MAN1C1: variants seen among roughly 807,000 people sequenced by gnomAD.
The protein encoded by MAN1C1 is mannosidase alpha class 1C member 1, also known as mannosyl-oligosaccharide 1,2-alpha-mannosidase IC.
MAN1C1 carries 49 observed loss-of-function variants against 71.5 expected under a neutral mutation model. The observed-to-expected ratio is 0.69, with a 90% CI of 0.54 to 0.87. The LOEUF (loss-of-function observed/expected upper bound fraction) is 0.87. Ranked by LOEUF, MAN1C1 falls within the 40% of genes least tolerant of loss-of-function variation. The pLI is 0.00. For missense variants in MAN1C1, 743 were observed against 835.0 expected (o/e 0.89, Z 1.36); for synonymous variants, 352 against 343.7 (o/e 1.02, Z -0.27).
chr1:25,693,553 C>T (rs933748871), intron 2 of MAN1C1, among the ~76,000 whole-genome samples: 2 of 152,168 alleles, frequency 1.3e-5, no homozygotes, highest in Admixed American at 1.3e-4. Context: ...ATTGCTTGAA[C>T]CTGGGAGGTG....
chr1:25,708,893 A>G (rs902201347), intron 2 of MAN1C1, among the ~76,000 whole-genome samples: 1 of 152,140 alleles, frequency 6.6e-6, no homozygotes, highest in Non-Finnish European at 1.5e-5. Flanking sequence ...AAAAGAAGAA[A>G]AAAAAAAGCC....
At chr1:25,692,717 A>G (rs1199945736) in intron 2 of MAN1C1, among the ~76,000 whole-genome samples, 1 of 152,182 alleles carries the variant, frequency 6.6e-6, no homozygotes, top group Non-Finnish European at 1.5e-5. Context: ...AGTGGCCGCC[A>G]AGAACACAGT....
At chr1:25,689,396 T>G (rs1355198547) in intron 2 of MAN1C1, among the ~76,000 whole-genome samples, 1 of 152,150 alleles carries the variant, frequency 6.6e-6, no homozygotes, top group Non-Finnish European at 1.5e-5. Flanking sequence ...GGCTGAGTTT[T>G]TCTGTAAATT....
intron 2 of MAN1C1, among the ~76,000 whole-genome samples, chr1:25,695,020 G>A (rs560406899): frequency 6.6e-6 from 1 of 152,002 alleles, no homozygotes; most frequent in Admixed American, 6.5e-5. Context: ...CACCCTTCCC[G>A]GTGTATACAT....
chr1:25,768,077 C>A (rs1469473587), intron 7 of MAN1C1, among the ~76,000 whole-genome samples: 9 of 90,410 alleles, frequency 1.0e-4, no homozygotes, highest in African/African-American at 1.3e-4. Context: ...ACACACACTC[C>A]CCCCCACACA....
At chr1:25,771,090 G>C (rs2047544880) in intron 7 of MAN1C1, among the ~76,000 whole-genome samples, 3 of 152,154 alleles carry the variant, frequency 2.0e-5, no homozygotes, top group African/African-American at 7.2e-5. Flanking sequence ...AGGCCACCAG[G>C]GCAGAGAGGG....
rs74060817 is a variant in MAN1C1, at chr1:25,763,982, G to A, written c.1141+15G>A. 2,099 of 1,602,322 alleles carry A rather than the reference G, an allele frequency of 1.3e-3. 20 individuals carry two copies. The African/African-American group carries it at 0.021, about 16-fold the overall frequency. On this transcript the variant is annotated intron_variant, in intron 7 of 11. Coordinates refer to ENST00000374332, the MANE Select transcript of MAN1C1 (RefSeq NM_020379.4). ...CTGGGTGCAACGTGAGTACAGAGAC[G>A]CCACTGCCCCTTATTCAGCGGGTTC...
At chr1:25,668,904 G>A (rs564485228) in intron 1 of MAN1C1, among the ~76,000 whole-genome samples, 42 of 152,248 alleles carry the variant, frequency 2.8e-4, no homozygotes, top group African/African-American at 1.0e-3. Flanking sequence ...GAGAAAACCT[G>A]ATGGTTTCCT....
In MAN1C1 at chr1:25,746,237, A is replaced by G. The variant is rs2047126352; in HGVS notation, c.638-431A>G. Reference sequence around the variant, plus strand: ...GGAGAATCGCTTGAACCTGGGAGGCAGAGGTTGGAGTGAGCCGAGATCGCA... The same window carrying G: ...GGAGAATCGCTTGAACCTGGGAGGCGGAGGTTGGAGTGAGCCGAGATCGCA... On this transcript the variant is annotated intron_variant, in intron 2 of 11. Transcript: ENST00000374332. The surrounding 1 kb of genome is among the most constrained non-coding windows in gnomAD (Gnocchi z 4.0). Among the ~76,000 whole-genome samples the G allele has an allele frequency of 6.6e-6, 1 of 152,324 alleles. No individual in the cohort carries two copies. The highest frequency in any genetic ancestry group is 2.1e-4 in the South Asian group (1 of 4,826).
At chr1:25,719,471 C>T (rs2124271755) in intron 2 of MAN1C1, among the ~76,000 whole-genome samples, 1 of 151,658 alleles carries the variant, frequency 6.6e-6, no homozygotes, top group African/African-American at 2.4e-5. Context: ...TGTGCTCAGG[C>T]TGGAGTGCAG....
chr1:25,771,891 T>G (rs2047558134), intron 8 of MAN1C1, 119 bp downstream of exon 8: 3 of 716,224 alleles, frequency 4.2e-6, no homozygotes, highest in Admixed American at 4.5e-5. Flanking sequence ...TCCCACCCCC[T>G]GCAATGAACC....
At chr1:25,756,148 A>G (rs369197677) in intron 5 of MAN1C1, among the ~76,000 whole-genome samples, 12 of 152,368 alleles carry the variant, frequency 7.9e-5, no homozygotes, top group Middle Eastern at 6.8e-3. Flanking sequence ...ACATGTGCAT[A>G]ATTACATAAT....
intron 2 of MAN1C1, among the ~76,000 whole-genome samples, chr1:25,689,096 C>T (rs987679122): frequency 6.6e-6 from 1 of 152,204 alleles, no homozygotes; most frequent in African/African-American, 2.4e-5. Context: ...TTGACTCCTT[C>T]ACTCCATATG....
At chr1:25,757,293 A>G (rs1329243163) in intron 5 of MAN1C1, among the ~76,000 whole-genome samples, 2 of 152,188 alleles carry the variant, frequency 1.3e-5, no homozygotes, top group Non-Finnish European at 2.9e-5. Flanking sequence ...ACCAGGAGCA[A>G]GGAAGCAGAG....
intron 2 of MAN1C1, among the ~76,000 whole-genome samples, chr1:25,738,287 C>T (rs1392055310): frequency 2.0e-5 from 3 of 152,070 alleles, no homozygotes; most frequent in Admixed American, 1.3e-4. Flanking sequence ...ACACGACACA[C>T]GAGAAACAGA....
chr1:25,664,260 G>GTTT lies in MAN1C1; in HGVS notation c.541-22169_541-22167dup, dbSNP rs3841828. Among the ~76,000 whole-genome samples, 535 of 146,298 alleles carry GTTT rather than the reference G, an allele frequency of 3.7e-3. 2 individuals are homozygous for GTTT. The highest frequency in any genetic ancestry group is 0.013 in the African/African-American group (512 of 40,216). On this transcript the variant is annotated intron_variant, in intron 1 of 11. Transcript: ENST00000374332. ...GCTTTTAAAATGTTCAACCCTACTAGTTTTTTTTTTTTTAATTTTAATCCC... is the reference window on the plus strand; with the variant it reads ...GCTTTTAAAATGTTCAACCCTACTAGTTTTTTTTTTTTTTTTAATTTTAATCCC...
chr1:25,639,795 C>T (rs1368732561), intron 1 of MAN1C1, among the ~76,000 whole-genome samples: 1 of 152,128 alleles, frequency 6.6e-6, no homozygotes, highest in Non-Finnish European at 1.5e-5. Context: ...TGTGTTGAAA[C>T]TATGACCTGA....
chr1:25,675,767 A>C (rs2046058313), intron 1 of MAN1C1, among the ~76,000 whole-genome samples: 1 of 152,198 alleles, frequency 6.6e-6, no homozygotes, highest in African/African-American at 2.4e-5. Flanking sequence ...TTTATTGAGC[A>C]CATATTATAT....
chr1:25,676,382 T>G (rs984419163), intron 1 of MAN1C1, among the ~76,000 whole-genome samples: 5 of 152,180 alleles, frequency 3.3e-5, no homozygotes, highest in African/African-American at 1.2e-4. Flanking sequence ...GCCCAGCTTC[T>G]GAGCGATAGA....
Sources: allele counts gnomAD v4.1 joint callset (sites outside exome capture counted in the v4.1 genomes callset), GRCh38; gene constraint gnomAD v4.1.1; non-coding constraint Gnocchi (gnomAD v3.1); transcripts MANE v1.5; gene names NCBI Gene and HGNC (gene_info 2026-07-23, HGNC 2026-07-21).